Variants in CALN1 observed in about 807,000 individuals in gnomAD.
CALN1 encodes calneuron 1.
Under a neutral mutation model 30.6 loss-of-function variants are expected in CALN1, and 17 were observed. That is an observed-to-expected ratio of 0.56 (90% CI 0.38 to 0.83). The LOEUF (loss-of-function observed/expected upper bound fraction) is 0.83, where lower values mean the gene tolerates loss of function less well. Ranked by LOEUF, CALN1 falls within the 40% of genes least tolerant of loss-of-function variation. CALN1 has a pLI of 0.00. For missense variants in CALN1, 291 were observed against 354.9 expected (o/e 0.82, Z 1.45); for synonymous variants, 156 against 131.4 (o/e 1.19, Z -1.28).
chr7:72,115,174 A>AT (rs1807883393), intron 3 of CALN1, among the ~76,000 whole-genome samples: 2 of 147,104 alleles, frequency 1.4e-5, no homozygotes, highest in South Asian at 4.2e-4. Context: ...TATACTGTAT[A>AT]GTATATATTA....
chr7:71,960,281 T>C (rs936168992), intron 5 of CALN1, among the ~76,000 whole-genome samples: 1 of 152,202 alleles, frequency 6.6e-6, no homozygotes, highest in Non-Finnish European at 1.5e-5. Context: ...ATCTGGACAG[T>C]GTACACTGTA....
chr7:72,189,766 T>TTAA (rs1430911980), intron 3 of CALN1, among the ~76,000 whole-genome samples: 2 of 48,180 alleles, frequency 4.2e-5, no homozygotes, highest in Non-Finnish European at 1.2e-4. Context: ...AGACTTTGTC[T>TTAA]CAAAAAAAAA....
chr7:71,996,555 C>A (rs1290366966), intron 5 of CALN1, among the ~76,000 whole-genome samples: 4 of 152,188 alleles, frequency 2.6e-5, no homozygotes, highest in Admixed American at 1.3e-4. Context: ...CTGCAAAGGA[C>A]ATGATCTCAT....
At position 72,278,988 on chromosome 7, in the gene CALN1, A is replaced by T. The variant is rs142999970; in HGVS notation, c.120-178T>A. Among the ~76,000 whole-genome samples the T allele has an allele frequency of 8.5e-5, 13 of 152,330 alleles. No individual in the cohort carries two copies. In the East Asian group the frequency reaches 2.3e-3, roughly 27 times the overall value. ...TCCCAATGACCTGAGCAATTTCCAA[A>T]GGAATTCAGGTTTTTCCCATTCCTT... On this transcript the variant is annotated intron_variant, in intron 2 of 6. Coordinates refer to ENST00000395275, the MANE Select transcript of CALN1 (RefSeq NM_031468.4).
intron 3 of CALN1, among the ~76,000 whole-genome samples, chr7:72,227,489 G>A (rs565258461): frequency 7.3e-5 from 11 of 151,288 alleles, no homozygotes; most frequent in Non-Finnish European, 1.2e-4. Context: ...GCAGTGAGCC[G>A]AGATGGCACC....
intron 5 of CALN1, among the ~76,000 whole-genome samples, chr7:71,868,011 T>A (rs1791690180): frequency 1.3e-5 from 2 of 152,220 alleles, no homozygotes; most frequent in African/African-American, 4.8e-5. Context: ...ATGTACGGTC[T>A]TTTCACGTAT....
intron 5 of CALN1, among the ~76,000 whole-genome samples, chr7:71,995,450 C>T (rs1799206401): frequency 6.6e-6 from 1 of 152,204 alleles, no homozygotes; most frequent in South Asian, 2.1e-4. Context: ...TTTAGCCTCA[C>T]TATCTGCCTA....
chr7:72,499,774 TTTCCTTCCTTCCTTCCTTCC>T, the CALN1 span, among the ~76,000 whole-genome samples: 1,801 of 118,740 alleles, frequency 0.015, 118 homozygotes, highest in Non-Finnish European at 0.024. Context: ...ACTTTCTTTC[TTTCCTTCCTTCCTTCCTTCC>T]TTCCTTCCTT....
intron 3 of CALN1, among the ~76,000 whole-genome samples, chr7:72,152,294 A>G (rs1388163827): frequency 1.3e-5 from 2 of 152,154 alleles, no homozygotes; most frequent in Non-Finnish European, 2.9e-5. Flanking sequence ...TGTGAAAACA[A>G]AACAAAACAG....
At chr7:72,431,974 T>C (rs761869421) in intron 1 of CALN1, among the ~76,000 whole-genome samples, 1 of 152,096 alleles carries the variant, frequency 6.6e-6, no homozygotes, top group African/African-American at 2.4e-5. Context: ...CTCCTTGCCA[T>C]CATGAACTGT....
intron 3 of CALN1, among the ~76,000 whole-genome samples, chr7:72,208,366 A>T (rs1792047638): frequency 6.6e-6 from 1 of 152,256 alleles, no homozygotes; most frequent in African/African-American, 2.4e-5. Flanking sequence ...TTTCTAATAC[A>T]TTTGGGTATC....
chr7:72,195,455 A>T (rs1254296230), intron 3 of CALN1, among the ~76,000 whole-genome samples: 1 of 152,204 alleles, frequency 6.6e-6, no homozygotes, highest in Non-Finnish European at 1.5e-5. Context: ...AGCTCACTGC[A>T]GCCTTGACTT....
At chr7:72,447,757 G>A (rs1455555178), upstream of CALN1, among the ~76,000 whole-genome samples, 2 of 149,706 alleles carry the variant, frequency 1.3e-5, no homozygotes, top group East Asian at 4.0e-4. Context: ...ACCCATACAT[G>A]TACACACACC....
At chr7:71,839,563 C>T (rs1460191368) in intron 5 of CALN1, among the ~76,000 whole-genome samples, 1 of 152,094 alleles carries the variant, frequency 6.6e-6, no homozygotes, top group East Asian at 1.9e-4. Flanking sequence ...TGCTGTATAA[C>T]AGCTTAATCA....
At chr7:72,099,558 T>C (rs1278013812) in intron 4 of CALN1, among the ~76,000 whole-genome samples, 1 of 152,000 alleles carries the variant, frequency 6.6e-6, no homozygotes, top group Non-Finnish European at 1.5e-5. Flanking sequence ...CCTGAGAAGT[T>C]TACTCATTGG....
chr7:71,930,294 T>C (rs764081005), intron 5 of CALN1, among the ~76,000 whole-genome samples: 2 of 152,242 alleles, frequency 1.3e-5, no homozygotes, highest in Non-Finnish European at 2.9e-5. Flanking sequence ...TGACTCATTA[T>C]GGCTTTGATT....
chr7:72,278,278 C>T (rs1397504739), intron 3 of CALN1, among the ~76,000 whole-genome samples: 2 of 152,100 alleles, frequency 1.3e-5, no homozygotes, highest in Admixed American at 1.3e-4. Context: ...CAAGAGACAG[C>T]CATTAACAGG....
In CALN1 at chr7:72,409,119, C is replaced by T. The variant is rs145925524; in HGVS notation, c.-74+2939G>A. ...CAAGAGATTCTCCTGACTCAGCCTC[C>T]CCAGTAGCTGGGATTACAGGCGCCC... On this transcript the variant is annotated intron_variant, in intron 1 of 6. Coordinates refer to ENST00000395275, the MANE Select transcript of CALN1 (RefSeq NM_031468.4). Among the ~76,000 whole-genome samples, 701 of 152,052 alleles carry T rather than the reference C, an allele frequency of 4.6e-3. 4 individuals carry two copies. The highest frequency in any genetic ancestry group is 0.034 in the Middle Eastern group (10 of 294).
intron 3 of CALN1, among the ~76,000 whole-genome samples, chr7:72,266,999 C>T (rs942224785): frequency 2.0e-5 from 3 of 152,182 alleles, no homozygotes; most frequent in Non-Finnish European, 4.4e-5. Context: ...TCTGACACTC[C>T]CCCTCTTATT....
Sources: allele counts gnomAD v4.1 joint callset (sites outside exome capture counted in the v4.1 genomes callset), GRCh38; gene constraint gnomAD v4.1.1; transcripts MANE v1.5; gene names NCBI Gene and HGNC (gene_info 2026-07-23, HGNC 2026-07-21).